Variants in PRH1 observed in about 807,000 individuals in gnomAD.
The protein encoded by PRH1 is salivary acidic proline-rich phosphoprotein 1/2.
A neutral mutation model predicts 7.9 loss-of-function variants in PRH1; 7 were observed. That is an observed-to-expected ratio of 0.89 (90% CI 0.50 to 1.67). The LOEUF (loss-of-function observed/expected upper bound fraction) is 1.67. Ranked by LOEUF, PRH1 falls within the 40% of genes most tolerant of loss-of-function variation. The pLI, the probability that PRH1 is intolerant of heterozygous loss-of-function variation, is 0.00. For missense variants in PRH1, 109 were observed against 223.6 expected (o/e 0.49, Z 3.27); for synonymous variants, 45 against 80.8 (o/e 0.56, Z 2.38).
chr12:10,946,516 A>C (rs1455963619), intron 2 of PRH1, among the ~76,000 whole-genome samples: 1 of 152,090 alleles, frequency 6.6e-6, no homozygotes, highest in Non-Finnish European at 1.5e-5. Flanking sequence ...AATTGTGTTT[A>C]TTTGGATCTT....
At chr12:11,054,802 T>C (rs1190784516) in intron 1 of PRH1, among the ~76,000 whole-genome samples, 2 of 127,576 alleles carry the variant, frequency 1.6e-5, no homozygotes, top group East Asian at 2.4e-4. Flanking sequence ...TTTCTTTTTT[T>C]TTTTTTTTTT....
At chr12:10,909,390 C>A in intron 2 of PRH1, 2 of 832,964 alleles carry the variant, frequency 2.4e-6, no homozygotes, top group Non-Finnish European at 3.8e-6. Flanking sequence ...CAGTGGAGTT[C>A]TTCTTCCTTC....
chr12:11,006,238 G>C (rs1940825057), intron 1 of PRH1: 1 of 132,926 alleles, frequency 7.5e-6, no homozygotes, highest in Non-Finnish European at 1.7e-5. Flanking sequence ...AGTTAGTATA[G>C]CATTTGTATA....
intron 1 of PRH1, among the ~76,000 whole-genome samples, chr12:11,106,688 A>C (rs1171973447): frequency 1.3e-5 from 2 of 151,916 alleles, no homozygotes; most frequent in African/African-American, 4.8e-5. Flanking sequence ...CTTGGATTTT[A>C]TTTCTTTTCC....
chr12:10,954,297 A>C (rs1937841357), intron 2 of PRH1, among the ~76,000 whole-genome samples: 1 of 152,072 alleles, frequency 6.6e-6, no homozygotes, highest in South Asian at 2.1e-4. Context: ...AAACACCCCA[A>C]CTAAAAGGCA....
At chr12:11,059,449 G>C (rs977021639) in intron 1 of PRH1, among the ~76,000 whole-genome samples, 2 of 152,134 alleles carry the variant, frequency 1.3e-5, no homozygotes, top group African/African-American at 4.8e-5. Context: ...TTTTAGTAAA[G>C]TAGCTGGTTA....
chr12:11,000,302 A>G (rs533321211), intron 1 of PRH1, among the ~76,000 whole-genome samples: 1 of 152,200 alleles, frequency 6.6e-6, no homozygotes, highest in South Asian at 2.1e-4. Flanking sequence ...TCCTTCTTGC[A>G]TGCTTAACCT....
chr12:11,147,032 A>G (rs932016789), intron 1 of PRH1, among the ~76,000 whole-genome samples: 1 of 152,106 alleles, frequency 6.6e-6, no homozygotes, highest in Non-Finnish European at 1.5e-5. Flanking sequence ...TTTCTTGCCT[A>G]TCTCCGAACT....
At chr12:11,124,582 G>A (rs188111408) in intron 1 of PRH1, among the ~76,000 whole-genome samples, 1 of 118,728 alleles carries the variant, frequency 8.4e-6, no homozygotes, top group African/African-American at 3.1e-5. Context: ...TATTCAACTT[G>A]ACTTGAACTT....
chr12:11,030,618 C>T (rs10772423), intron 1 of PRH1: 762,281 of 1,591,286 alleles, frequency 0.48, 186,854 homozygotes, highest in Non-Finnish European at 0.51. Flanking sequence ...AGAAAGTAAA[C>T]GGCACATAAC....
intron 1 of PRH1, among the ~76,000 whole-genome samples, chr12:11,129,305 C>T (rs2708349): frequency 1.3e-5 from 2 of 150,960 alleles, no homozygotes; most frequent in Non-Finnish European, 3.0e-5. Context: ...GTTATTACCT[C>T]TTCCTGAATT....
intron 1 of PRH1, among the ~76,000 whole-genome samples, chr12:11,101,130 A>C (rs1031800660): frequency 2.6e-5 from 4 of 152,178 alleles, no homozygotes; most frequent in Non-Finnish European, 5.9e-5. Context: ...TTTCAAATTC[A>C]TATTAGCACT....
chr12:11,133,886 C>A (rs115417468), intron 1 of PRH1: 1 of 1,614,032 alleles, frequency 6.2e-7, no homozygotes, highest in South Asian at 1.1e-5. Context: ...CCTCTTTATG[C>A]GAAGAAAAAT....
At chr12:10,883,814 T>C (rs1448096396) in intron 1 of PRH1, among the ~76,000 whole-genome samples, 3 of 152,206 alleles carry the variant, frequency 2.0e-5, no homozygotes, top group Non-Finnish European at 4.4e-5. Flanking sequence ...CCATCATCCC[T>C]GTCTACTGGG....
chr12:11,171,512 C>G (rs887348473), upstream of PRH1: 1 of 1,232,356 alleles, frequency 8.1e-7, no homozygotes, highest in Non-Finnish European at 1.0e-6. Flanking sequence ...TCCCGTACTT[C>G]TACGTCGCGG....
chr12:11,007,068 C>T (rs77906751), intron 1 of PRH1, among the ~76,000 whole-genome samples: 12 of 152,196 alleles, frequency 7.9e-5, no homozygotes, highest in African/African-American at 2.4e-4. Flanking sequence ...AAACCCAATA[C>T]ATATGTCATA....
At chr12:11,127,195 A>ATGTCAAATAC (rs1423357386) in intron 1 of PRH1, among the ~76,000 whole-genome samples, 1 of 152,292 alleles carries the variant, frequency 6.6e-6, no homozygotes, top group Non-Finnish European at 1.5e-5. Flanking sequence ...TTCAAATACT[A>ATGTCAAATAC]TATGCTTGTT....
At chr12:11,061,255 T>G in intron 1 of PRH1, 1 of 1,473,216 alleles carries the variant, frequency 6.8e-7, no homozygotes, top group Admixed American at 2.3e-5. Flanking sequence ...GGTACATGCT[T>G]GAAAGTTATT....
At chr12:11,039,200 T>C (rs1399488761) in intron 1 of PRH1, among the ~76,000 whole-genome samples, 1 of 152,242 alleles carries the variant, frequency 6.6e-6, no homozygotes, top group South Asian at 2.1e-4. Flanking sequence ...TGTCTGAATT[T>C]TTTTAAAGGC....
Sources: gnomAD v4.1 joint callset for allele counts (sites outside exome capture counted in the v4.1 genomes callset) on GRCh38, gnomAD v4.1.1 for gene constraint, MANE v1.5 for transcripts, NCBI Gene and HGNC (gene_info 2026-07-23, HGNC 2026-07-21) for gene names.